The following SLC35D4 variants were observed in gnomAD, a reference collection of about 807,000 sequenced individuals.
SLC35D4 encodes the protein solute carrier family 35 member D4.
the SLC35D4 span, chr18:23,253,755 C>T: frequency 4.3e-6 from 7 of 1,614,156 alleles, no homozygotes; most frequent in Middle Eastern, 1.7e-4. Flanking sequence ...CGGAAGCTTG[C>T]GCAGGAGGAC....
chr18:23,283,486 A>AG, the SLC35D4 span, among the ~76,000 whole-genome samples: 392 of 150,444 alleles, frequency 2.6e-3, no homozygotes, highest in African/African-American at 8.6e-3. Context: ...AAAAAAAAAA[A>AG]AAAAAAAGAA....
the SLC35D4 span, among the ~76,000 whole-genome samples, chr18:23,305,684 C>T: frequency 2.0e-4 from 31 of 152,294 alleles, no homozygotes; most frequent in African/African-American, 7.2e-4. Flanking sequence ...ATTTTTCCTT[C>T]CATTTGTCTT....
chr18:23,339,430 A>G, the SLC35D4 span, among the ~76,000 whole-genome samples: 1 of 152,238 alleles, frequency 6.6e-6, no homozygotes, highest in African/African-American at 2.4e-5. Context: ...CTAGCAGATC[A>G]TTATATAATG....
At chr18:23,291,311 C>T in the SLC35D4 span, among the ~76,000 whole-genome samples, 3 of 152,188 alleles carry the variant, frequency 2.0e-5, no homozygotes, top group South Asian at 6.2e-4. Flanking sequence ...AGAGGACAGC[C>T]CACTTATGCT....
At chr18:23,371,661 G>A in the SLC35D4 span, among the ~76,000 whole-genome samples, 1 of 151,752 alleles carries the variant, frequency 6.6e-6, no homozygotes, top group Non-Finnish European at 1.5e-5. Context: ...CTTCCTAACA[G>A]GACTCTGCCT....
At chr18:23,411,693 A>G in the SLC35D4 span, among the ~76,000 whole-genome samples, 1 of 152,178 alleles carries the variant, frequency 6.6e-6, no homozygotes, top group African/African-American at 2.4e-5. Context: ...AAGCACAAAT[A>G]CTGCATCTTG....
At chr18:23,417,493 G>A in the SLC35D4 span, among the ~76,000 whole-genome samples, 1 of 152,138 alleles carries the variant, frequency 6.6e-6, no homozygotes, top group Non-Finnish European at 1.5e-5. Context: ...AAAGAAAGCA[G>A]AACAGGGGTT....
chr18:23,376,777 A>G, the SLC35D4 span: 1 of 455,998 alleles, frequency 2.2e-6, no homozygotes, highest in African/African-American at 2.0e-5. Flanking sequence ...GGGATACCCA[A>G]GGGTGAGACA....
At chr18:23,401,673 G>A in the SLC35D4 span, among the ~76,000 whole-genome samples, 1 of 152,328 alleles carries the variant, frequency 6.6e-6, no homozygotes, top group South Asian at 2.1e-4. Context: ...TGCACTGGGT[G>A]AAACGGCAGC....
At chr18:23,306,099 C>T in the SLC35D4 span, among the ~76,000 whole-genome samples, 1 of 151,966 alleles carries the variant, frequency 6.6e-6, no homozygotes, top group South Asian at 2.1e-4. Flanking sequence ...CATCCAAGGC[C>T]ACCTGGGAGA....
chr18:23,390,319 G>T, the SLC35D4 span, among the ~76,000 whole-genome samples: 32 of 152,216 alleles, frequency 2.1e-4, no homozygotes, highest in African/African-American at 7.0e-4. Flanking sequence ...AACATCAAAA[G>T]GTCCTACTCT....
chr18:23,249,695 CAG>C, the SLC35D4 span, among the ~76,000 whole-genome samples: 1 of 152,172 alleles, frequency 6.6e-6, no homozygotes, highest in Non-Finnish European at 1.5e-5. Context: ...GGGTGAGGCT[CAG>C]GGAGGTTGAG....
the SLC35D4 span, among the ~76,000 whole-genome samples, chr18:23,334,751 A>G: frequency 6.6e-6 from 1 of 152,182 alleles, no homozygotes; most frequent in East Asian, 1.9e-4. Context: ...CTGTAATTCC[A>G]GCATTTTGTG....
the SLC35D4 span, among the ~76,000 whole-genome samples, chr18:23,335,810 C>A: frequency 6.6e-6 from 1 of 152,148 alleles, no homozygotes; most frequent in African/African-American, 2.4e-5. Context: ...AATTAACTGG[C>A]CTTTATGTTG....
the SLC35D4 span, chr18:23,252,849 T>G: frequency 5.1e-4 from 344 of 677,730 alleles, no homozygotes; most frequent in Non-Finnish European, 7.7e-4. Flanking sequence ...CCAATGCAAG[T>G]TTTCCCGTTG....
the SLC35D4 span, among the ~76,000 whole-genome samples, chr18:23,371,104 T>C: frequency 1.2e-5 from 1 of 83,358 alleles, no homozygotes; most frequent in South Asian, 4.1e-4. Flanking sequence ...TCTCTCTCTT[T>C]CTTTTTTTTT....
the SLC35D4 span, among the ~76,000 whole-genome samples, chr18:23,275,608 T>TGCTGTGCCGTGCTGTGCCGTGCTGTGCC: frequency 1.2e-4 from 10 of 83,584 alleles, no homozygotes; most frequent in Admixed American, 4.7e-4. Context: ...TGTGCTGTGC[T>TGCTGTGCCGTGCTGTGCCGTGCTGTGCC]GTGCTGTGCT....
chr18:23,279,375 G>A, the SLC35D4 span, among the ~76,000 whole-genome samples: 73 of 152,296 alleles, frequency 4.8e-4, no homozygotes, highest in African/African-American at 1.4e-3. Context: ...AAGGGATGCT[G>A]GGAAAGGCAA....
At chr18:23,419,936 G>A in the SLC35D4 span, among the ~76,000 whole-genome samples, 3 of 152,128 alleles carry the variant, frequency 2.0e-5, no homozygotes, top group South Asian at 2.1e-4. Context: ...ATTTATATAC[G>A]TATGTATGCA....
Sources: allele counts gnomAD v4.1 joint callset (sites outside exome capture counted in the v4.1 genomes callset), GRCh38; gene constraint gnomAD v4.1.1; transcripts MANE v1.5; gene names NCBI Gene and HGNC (gene_info 2026-07-23, HGNC 2026-07-21).